The following SBF2 variants were observed in gnomAD, a reference collection of about 807,000 sequenced individuals.
SBF2 encodes the protein SET binding factor 2.
A neutral mutation model predicts 225.2 loss-of-function variants in SBF2; 112 were observed. The ratio of observed to expected loss-of-function variants is 0.50; its 90% CI spans 0.43 to 0.58. The LOEUF is 0.58. SBF2 is among the 20% of genes least tolerant of loss of function. The pLI is 0.00. For synonymous variants in SBF2, 763 were observed against 773.3 expected (o/e 0.99, Z 0.22); for missense variants, 1,996 against 2,206.2 (o/e 0.90, Z 1.91).
intron 2 of SBF2, among the ~76,000 whole-genome samples, chr11:10,092,934 CT>C (rs1951842395): frequency 6.6e-6 from 1 of 150,650 alleles, no homozygotes; most frequent in African/African-American, 2.4e-5. Context: ...TTAGGAATGC[CT>C]TTTAGGAAAA....
intron 38 of SBF2, among the ~76,000 whole-genome samples, chr11:9,782,047 G>A (rs1337892162): frequency 6.6e-6 from 1 of 151,966 alleles, no homozygotes; most frequent in Non-Finnish European, 1.5e-5. Context: ...TCAGCCAATC[G>A]TGGTGGTGCA....
chr11:9,867,632 G>A (rs377501503), intron 17 of SBF2, among the ~76,000 whole-genome samples: 2 of 152,292 alleles, frequency 1.3e-5, no homozygotes, highest in East Asian at 3.9e-4. Context: ...TCCATCAACA[G>A]ATGAGTGGAT....
chr11:10,209,161 G>T (rs1268424196), intron 1 of SBF2, among the ~76,000 whole-genome samples: 1 of 152,100 alleles, frequency 6.6e-6, no homozygotes, highest in Non-Finnish European at 1.5e-5. Flanking sequence ...TAAAGGAGAA[G>T]TTACAAAAAT....
intron 13 of SBF2, among the ~76,000 whole-genome samples, chr11:9,985,355 C>T (rs1947154383): frequency 6.6e-6 from 1 of 152,190 alleles, no homozygotes; most frequent in East Asian, 1.9e-4. Context: ...TAGAGTCCTG[C>T]TCTGACATTC....
chr11:10,103,765 G>A (rs1366318756), intron 2 of SBF2, among the ~76,000 whole-genome samples: 1 of 152,182 alleles, frequency 6.6e-6, no homozygotes, highest in Admixed American at 6.5e-5. Flanking sequence ...CAAAACAGGA[G>A]TTAACTGAAT....
At chr11:10,290,189 T>C (rs1471322140) in intron 1 of SBF2, among the ~76,000 whole-genome samples, 2 of 152,136 alleles carry the variant, frequency 1.3e-5, no homozygotes, top group Admixed American at 6.5e-5. Context: ...GCAGTTGTCA[T>C]GGTACCCCTG....
At chr11:9,830,676 G>A (rs1331712735) in intron 27 of SBF2, among the ~76,000 whole-genome samples, 1 of 148,536 alleles carries the variant, frequency 6.7e-6, no homozygotes, top group Non-Finnish European at 1.5e-5. Flanking sequence ...GGAGGCGGAG[G>A]TTGCAGTGAG....
chr11:9,931,921 T>C (rs1317499469), intron 16 of SBF2, among the ~76,000 whole-genome samples: 2 of 152,030 alleles, frequency 1.3e-5, no homozygotes, highest in African/African-American at 4.8e-5. Context: ...ACAAACAGTA[T>C]AGAGAAAACC....
At chr11:10,241,086 C>A (rs1269677059) in intron 1 of SBF2, among the ~76,000 whole-genome samples, 2 of 152,284 alleles carry the variant, frequency 1.3e-5, no homozygotes, top group East Asian at 3.9e-4. Context: ...AGCGGTAGCT[C>A]ATGCCTGTAA....
At chr11:10,267,766 GA>G (rs1962134669) in intron 1 of SBF2, among the ~76,000 whole-genome samples, 1 of 152,124 alleles carries the variant, frequency 6.6e-6, no homozygotes, top group African/African-American at 2.4e-5. Flanking sequence ...CACACAATCT[GA>G]ACAGTAGCAG....
chr11:9,816,869 A>T lies in SBF2; in HGVS notation c.3949T>A (p.Tyr1317Asn). 1.2e-6 allele frequency: 2 copies of T among 1,614,178 alleles called. No individual in the cohort carries two copies. Among genetic ancestry groups the T allele is most frequent in the Non-Finnish European group, 1.7e-6 (2 of 1,180,024 alleles). The change falls in exon 29 of 40, where the codon TAC (tyrosine) becomes AAC (asparagine). Residue 1317 changes from tyrosine (Y) to asparagine (N), a missense_variant. Coordinates refer to ENST00000256190, the MANE Select transcript of SBF2 (RefSeq NM_030962.4). ...AGTTGCGACTTTTCACCAAATATGT[A>T]AAGGGCTGCTTGCCGTTTCAAGAGC... ...NQLLKRQAALYIFGEKSQLRN... is the reference protein window; with the variant it reads ...NQLLKRQAALNIFGEKSQLRN...
chr11:9,987,723 A>G (rs1410830841), intron 13 of SBF2, among the ~76,000 whole-genome samples: 1 of 152,126 alleles, frequency 6.6e-6, no homozygotes, highest in African/African-American at 2.4e-5. Context: ...GAGTCCAAAG[A>G]CCGCTACATG....
At chr11:10,114,830 G>GT (rs1258834871) in intron 2 of SBF2, among the ~76,000 whole-genome samples, 1 of 152,034 alleles carries the variant, frequency 6.6e-6, no homozygotes, top group Non-Finnish European at 1.5e-5. Context: ...TCTTACTTAT[G>GT]TTTGCACATT....
At chr11:9,796,814 G>C (rs530618645) in intron 32 of SBF2, among the ~76,000 whole-genome samples, 3 of 152,278 alleles carry the variant, frequency 2.0e-5, no homozygotes, top group Admixed American at 6.5e-5. Flanking sequence ...GAGGTCATTG[G>C]GCACAGGAAT....
intron 32 of SBF2, among the ~76,000 whole-genome samples, chr11:9,799,190 T>G (rs909326111): frequency 6.6e-6 from 1 of 152,186 alleles, no homozygotes. Context: ...AGGGAGATCA[T>G]GTGCTCAGAT....
At chr11:10,284,695 C>T (rs1272871747) in intron 1 of SBF2, among the ~76,000 whole-genome samples, 6 of 152,190 alleles carry the variant, frequency 3.9e-5, no homozygotes, top group South Asian at 2.1e-4. Flanking sequence ...ACTGCAGCCT[C>T]GACCTCCTGG....
intron 1 of SBF2, among the ~76,000 whole-genome samples, chr11:10,214,515 C>T (rs1218445353): frequency 2.6e-5 from 4 of 151,982 alleles, no homozygotes; most frequent in African/African-American, 9.7e-5. Flanking sequence ...CCCAGCTACT[C>T]GGGAGGCTAA....
In SBF2 at chr11:9,892,017, T is replaced by C. The variant is rs1246557998; in HGVS notation, c.1929+3926A>G. ...TAAAAATAATTAGGTATATGTGCTA[T>C]TATGAGAGGATGACCAAGATGTACC... On this transcript the variant is annotated intron_variant, in intron 17 of 39. Transcript: ENST00000256190. 3.9e-5 allele frequency among the ~76,000 whole-genome samples: 6 copies of C among 152,222 alleles called. No individual in the cohort carries two copies. The East Asian group carries it at 1.2e-3, about 29-fold the overall frequency.
chr11:10,263,670 C>G (rs542681646), intron 1 of SBF2, among the ~76,000 whole-genome samples: 9 of 152,118 alleles, frequency 5.9e-5, no homozygotes, highest in Admixed American at 5.9e-4. Context: ...AGAATAGAAG[C>G]CTTTGGCTAC....
Sources: allele counts gnomAD v4.1 joint callset (sites outside exome capture counted in the v4.1 genomes callset), GRCh38; gene constraint gnomAD v4.1.1; transcripts MANE v1.5; gene names NCBI Gene and HGNC (gene_info 2026-07-23, HGNC 2026-07-21).